SKAP1: variants seen among roughly 807,000 people sequenced by gnomAD.
SKAP1 encodes the protein src kinase associated phosphoprotein 1.
A neutral mutation model predicts 58.5 loss-of-function variants in SKAP1; 44 were observed. The ratio of observed to expected loss-of-function variants is 0.75; its 90% confidence interval spans 0.59 to 0.97. The LOEUF is 0.97. SKAP1 is among the 50% of genes least tolerant of loss of function. The pLI is 0.00. For missense variants in SKAP1, 390 were observed against 435.2 expected (o/e 0.90, Z 0.92); for synonymous variants, 127 against 149.7 (o/e 0.85, Z 1.11).
chr17:48,440,307 C>G, the SKAP1 span, among the ~76,000 whole-genome samples: 2 of 152,190 alleles, frequency 1.3e-5, no homozygotes, highest in South Asian at 2.1e-4. Flanking sequence ...TTATCTCCAC[C>G]AGGGCAGCTC....
chr17:48,362,859 T>G (rs2066953218), intron 3 of SKAP1, among the ~76,000 whole-genome samples: 1 of 152,194 alleles, frequency 6.6e-6, no homozygotes. Flanking sequence ...ATTAAGAGAA[T>G]AAAAAGTACT....
chr17:48,174,545 C>T (rs984110181), intron 9 of SKAP1, among the ~76,000 whole-genome samples: 3 of 152,026 alleles, frequency 2.0e-5, no homozygotes, highest in African/African-American at 7.2e-5. Flanking sequence ...TATATGGCAA[C>T]AGAAAAAAAG....
the SKAP1 span, among the ~76,000 whole-genome samples, chr17:48,439,597 A>C: frequency 6.6e-6 from 1 of 152,244 alleles, no homozygotes; most frequent in African/African-American, 2.4e-5. Context: ...AGTCACTCCC[A>C]TGATAGCTTT....
chr17:48,170,621 G>A lies in SKAP1; in HGVS notation c.865C>T (p.Arg289Ter), dbSNP rs750379986. The A allele has an allele frequency of 1.2e-6, 2 of 1,613,500 alleles. No homozygotes were observed. The highest frequency in any genetic ancestry group is 1.7e-5 in the Admixed American group (1 of 59,984). ...GAAGCTCTTATACCTCCTTTTCGTC[G>A]AGTGCCACTCTCATCCTCTTCTAGA... Reference protein sequence around the residue: ...HDLEEDESGTRRKGVDYASYY... With the variant: ...HDLEEDESGT The change falls in exon 10 of 13, where the codon CGA becomes TGA. Residue 289 changes from arginine (R) to a stop codon, truncating the protein, a stop_gained. Transcript: ENST00000336915. LOFTEE classifies it high-confidence loss of function.
chr17:48,443,545 G>A, the SKAP1 span, among the ~76,000 whole-genome samples: 6 of 151,974 alleles, frequency 3.9e-5, no homozygotes, highest in East Asian at 3.8e-4. Context: ...GTGCGATCTC[G>A]GCTCACTGTA....
chr17:48,322,538 C>A (rs2066381649), intron 4 of SKAP1, among the ~76,000 whole-genome samples: 2 of 152,270 alleles, frequency 1.3e-5, no homozygotes, highest in South Asian at 4.1e-4. Flanking sequence ...GACATAATAT[C>A]TCTGAGCAAG....
intron 4 of SKAP1, among the ~76,000 whole-genome samples, chr17:48,276,557 A>G (rs192265526): frequency 2.7e-4 from 41 of 152,346 alleles, no homozygotes; most frequent in African/African-American, 4.8e-4. Flanking sequence ...TGATGCTGCT[A>G]TAATGATGAG....
chr17:48,189,993 C>T (rs2064517218), intron 4 of SKAP1, among the ~76,000 whole-genome samples: 1 of 151,344 alleles, frequency 6.6e-6, no homozygotes, highest in South Asian at 2.1e-4. Flanking sequence ...TCTTTCTTTT[C>T]AATTATATCT....
chr17:48,213,881 A>T (rs1218087187), intron 4 of SKAP1, among the ~76,000 whole-genome samples: 1 of 152,172 alleles, frequency 6.6e-6, no homozygotes, highest in African/African-American at 2.4e-5. Context: ...TCTGTGAACA[A>T]ACACGGCTCA....
intron 1 of SKAP1, among the ~76,000 whole-genome samples, chr17:48,414,942 C>T (rs927427077): frequency 1.3e-5 from 2 of 152,162 alleles, no homozygotes; most frequent in African/African-American, 4.8e-5. Context: ...TCTTATGGGT[C>T]ATATTTTTCA....
intron 4 of SKAP1, chr17:48,308,171 T>G (rs189789767): frequency 2.8e-4 from 42 of 152,316 alleles, no homozygotes; most frequent in African/African-American, 8.7e-4. Context: ...CAATGCAAAA[T>G]TAGTCTTTAA....
chr17:48,193,735 G>T, intron 4 of SKAP1: 1 of 984,834 alleles, frequency 1.0e-6, no homozygotes, highest in Non-Finnish European at 1.2e-6. Context: ...ATGCCATGGG[G>T]TGATGAGGCA....
upstream of SKAP1, among the ~76,000 whole-genome samples, chr17:48,431,202 T>C (rs527828791): frequency 6.6e-6 from 1 of 152,204 alleles, no homozygotes; most frequent in East Asian, 1.9e-4. Flanking sequence ...CACAGCACTT[T>C]GGGAGGCTGA....
intron 11 of SKAP1, among the ~76,000 whole-genome samples, chr17:48,161,917 G>A (rs1417177059): frequency 6.6e-6 from 1 of 151,630 alleles, no homozygotes; most frequent in African/African-American, 2.4e-5. Context: ...GCATGGTTTT[G>A]GTATAATACC....
intron 4 of SKAP1, among the ~76,000 whole-genome samples, chr17:48,277,982 T>C (rs1273776671): frequency 6.6e-6 from 1 of 152,216 alleles, no homozygotes; most frequent in African/African-American, 2.4e-5. Flanking sequence ...ATTAAGCACC[T>C]TTTACATACT....
intron 3 of SKAP1, among the ~76,000 whole-genome samples, chr17:48,347,785 T>G (rs2066742143): frequency 6.6e-6 from 1 of 152,134 alleles, no homozygotes; most frequent in Non-Finnish European, 1.5e-5. Context: ...ATGCTCAAAT[T>G]TTACATCACT....
chr17:48,348,881 CACA>C (rs1442865199), intron 3 of SKAP1, among the ~76,000 whole-genome samples: 1 of 152,220 alleles, frequency 6.6e-6, no homozygotes, highest in East Asian at 1.9e-4. Flanking sequence ...CTGTAAAGTA[CACA>C]ACGACATAGA....
At chr17:48,416,524 G>A (rs950073414) in intron 1 of SKAP1, among the ~76,000 whole-genome samples, 1 of 152,148 alleles carries the variant, frequency 6.6e-6, no homozygotes, top group African/African-American at 2.4e-5. Flanking sequence ...CTAACAGTAA[G>A]ACAATCTTTC....
intron 4 of SKAP1, among the ~76,000 whole-genome samples, chr17:48,255,012 T>C (rs1348988627): frequency 6.6e-6 from 1 of 152,056 alleles, no homozygotes; most frequent in Non-Finnish European, 1.5e-5. Flanking sequence ...TCTCTACACA[T>C]TGAAATGAAT....
Sources: gnomAD v4.1 joint callset for allele counts (sites outside exome capture counted in the v4.1 genomes callset) on GRCh38, gnomAD v4.1.1 for gene constraint, MANE v1.5 for transcripts, NCBI Gene and HGNC (gene_info 2026-07-23, HGNC 2026-07-21) for gene names.